Variants in NLGN4X observed in about 807,000 individuals in gnomAD.
The protein encoded by NLGN4X is neuroligin 4 X-linked.
Under a neutral mutation model 40.3 loss-of-function variants are expected in NLGN4X, and 3 were observed. The observed-to-expected ratio is 0.07, with a 90% confidence interval of 0.03 to 0.19. The LOEUF (loss-of-function observed/expected upper bound fraction) is 0.19. Among genes scored for constraint, NLGN4X ranks in the 10% least tolerant of loss-of-function variants. The pLI is 1.00. For missense variants in NLGN4X, 382 were observed against 708.3 expected (o/e 0.54, Z 5.23); for synonymous variants, 270 against 306.8 (o/e 0.88, Z 1.25).
intron 3 of NLGN4X, among the ~76,000 whole-genome samples, chrX:6,021,478 C>T (rs1382245335): frequency 9.0e-6 from 1 of 110,668 alleles, no homozygotes; most frequent in East Asian, 2.9e-4. Context: ...ACCTTCTTCA[C>T]ATCCTGAATA....
chrX:6,065,565 A>G (rs2037890861), intron 2 of NLGN4X, among the ~76,000 whole-genome samples: 1 of 111,531 alleles, frequency 9.0e-6, no homozygotes, highest in African/African-American at 3.3e-5. Context: ...CAAATGTTTA[A>G]GGGGAGAAGG....
chrX:5,905,581 C>G (rs1266324517), intron 4 of NLGN4X, among the ~76,000 whole-genome samples: 1 of 112,538 alleles, frequency 8.9e-6, no homozygotes, highest in African/African-American at 3.2e-5. Context: ...GATACTAATA[C>G]TGTGGTGAAC....
At chrX:6,152,121 G>A (rs928862177) in intron 1 of NLGN4X, among the ~76,000 whole-genome samples, 2 of 110,612 alleles carry the variant, frequency 1.8e-5, no homozygotes, top group South Asian at 3.9e-4. Flanking sequence ...CGGCTAATTC[G>A]TTGGATTTTT....
chrX:6,206,471 T>C (rs769582809), intron 1 of NLGN4X, among the ~76,000 whole-genome samples: 2 of 112,251 alleles, frequency 1.8e-5, no homozygotes, highest in Non-Finnish European at 3.8e-5. Context: ...TCTTGGTGTA[T>C]GAGTTTCCTA....
At chrX:6,184,876 G>A (rs1159346334) in intron 1 of NLGN4X, among the ~76,000 whole-genome samples, 2 of 112,391 alleles carry the variant, frequency 1.8e-5, no homozygotes, top group African/African-American at 3.2e-5. Flanking sequence ...AAAGAATGGC[G>A]CCTTCTGAGA....
chrX:5,980,184 T>C lies in NLGN4X; in HGVS notation c.625+49096A>G, dbSNP rs10482281. The stretch of plus-strand genomic sequence containing the variant: ...ATATAATTGTACCAGTACGTGTCTA[T>C]ACATATATGTCTAATACCATATATA... On this transcript the variant is annotated intron_variant, in intron 3 of 5. Coordinates refer to ENST00000381095, the MANE Select transcript of NLGN4X (RefSeq NM_181332.3). Among the ~76,000 whole-genome samples the C allele has an allele frequency of 9.1e-3, 948 of 104,239 alleles. 9 individuals are homozygous for C. Among genetic ancestry groups the C allele is most frequent in the African/African-American group, 0.035 (914 of 26,466 alleles). 90.5% of individuals were successfully genotyped at this position (104,239 alleles called of 115,157 possible). A position where few individuals can be genotyped will look rare whatever the true frequency, so the allele number is the denominator to read the frequency against.
chrX:6,010,890 A>G (rs1466967998), intron 3 of NLGN4X, among the ~76,000 whole-genome samples: 1 of 111,575 alleles, frequency 9.0e-6, no homozygotes, highest in African/African-American at 3.3e-5. Context: ...ATCTCTATTT[A>G]CCAAACAACA....
intron 3 of NLGN4X, among the ~76,000 whole-genome samples, chrX:6,018,069 CACAT>C (rs1446832470): frequency 2.7e-5 from 3 of 111,262 alleles, no homozygotes; most frequent in Non-Finnish European, 3.8e-5. Context: ...CATATATAGA[CACAT>C]ATATATACAC....
chrX:6,019,154 C>T (rs781699524), intron 3 of NLGN4X, among the ~76,000 whole-genome samples: 13 of 112,044 alleles, frequency 1.2e-4, no homozygotes, highest in African/African-American at 4.2e-4. Flanking sequence ...TTCCATAAAG[C>T]TAATGACTTA....
intron 3 of NLGN4X, among the ~76,000 whole-genome samples, chrX:5,948,245 T>C (rs1348207091): frequency 8.9e-6 from 1 of 112,138 alleles, no homozygotes; most frequent in Non-Finnish European, 1.9e-5. Flanking sequence ...ACCCAAACAA[T>C]AGAAAAGTCA....
chrX:5,909,697 G>T (rs1413981511), intron 3 of NLGN4X, among the ~76,000 whole-genome samples: 1 of 107,151 alleles, frequency 9.3e-6, no homozygotes, highest in African/African-American at 3.4e-5. Context: ...CTAAGAATAT[G>T]TGCATGTATA....
intron 3 of NLGN4X, among the ~76,000 whole-genome samples, chrX:5,968,490 TG>T (rs2034910857): frequency 2.4e-5 from 2 of 82,494 alleles, no homozygotes; most frequent in Non-Finnish European, 4.7e-5. Context: ...TGTGTGTGTG[TG>T]TGTGTGTGTG....
At chrX:5,907,631 C>A (rs1035379338) in intron 4 of NLGN4X, among the ~76,000 whole-genome samples, 1 of 111,099 alleles carries the variant, frequency 9.0e-6, no homozygotes, top group Non-Finnish European at 1.9e-5. Context: ...TCCACTTTGC[C>A]AACATCAGCT....
At chrX:6,047,519 G>A (rs927294795) in intron 2 of NLGN4X, among the ~76,000 whole-genome samples, 4 of 111,560 alleles carry the variant, frequency 3.6e-5, no homozygotes, top group Non-Finnish European at 7.5e-5. Context: ...TGATGGAGTA[G>A]GAAGATGGAA....
At chrX:6,147,736 C>T (rs943075765) in intron 2 of NLGN4X, among the ~76,000 whole-genome samples, 1 of 111,294 alleles carries the variant, frequency 9.0e-6, no homozygotes, top group Admixed American at 9.7e-5. Context: ...CCAACTGTTC[C>T]TTGTCAACAA....
intron 2 of NLGN4X, among the ~76,000 whole-genome samples, chrX:6,106,760 T>C (rs1253757566): frequency 4.5e-5 from 5 of 111,948 alleles, no homozygotes; most frequent in Non-Finnish European, 9.4e-5. Flanking sequence ...GAATACACCA[T>C]AGTTTATTTA....
intron 3 of NLGN4X, among the ~76,000 whole-genome samples, chrX:5,934,790 T>G (rs890606245): frequency 3.6e-5 from 4 of 111,748 alleles, no homozygotes; most frequent in Non-Finnish European, 7.5e-5. Flanking sequence ...CATAATAGAG[T>G]GATAACAGAC....
rs752460069 is a variant in NLGN4X, at chrX:5,959,317, T to C, written c.626-50078A>G. The stretch of plus-strand genomic sequence containing the variant: ...AGCAGGTCAAAGGCATAGGCATTTC[T>C]GGATTTTTATACCTTCATCATGCCA... On this transcript the variant is annotated intron_variant, in intron 3 of 5. Coordinates refer to ENST00000381095, the MANE Select transcript of NLGN4X (RefSeq NM_181332.3). 3.3e-3 allele frequency among the ~76,000 whole-genome samples: 374 copies of C among 112,480 alleles called. 2 individuals carry two copies. The highest frequency in any genetic ancestry group is 5.9e-3 in the Non-Finnish European group (317 of 53,292).
In NLGN4X at chrX:5,903,290, T is replaced by A. The variant is rs2031985815; in HGVS notation, c.1388A>T (p.Tyr463Phe). The change falls in exon 5 of 6, where the codon TAC (tyrosine) becomes TTC (phenylalanine). Residue 463 changes from tyrosine (Y) to phenylalanine (F), a missense_variant. By Grantham distance (22) the Tyr-to-Phe change is conservative. Around this residue, in one of 5 missense-constraint regions of NLGN4X, gnomAD observed 149 missense variants for 375.8 expected, o/e 0.40. Transcript: ENST00000381095. The part of the protein sequence containing the change: ...AVATADLHAQ[Y>F]GSPTYFYAFY... ...GGCATAGAAGTAGGTGGGGGAGCCG[T>A]ACTGCGCGTGCAGGTCGGCGGTGGC... The A allele has an allele frequency of 8.3e-7, 1 of 1,209,885 alleles. No homozygotes were observed. Among genetic ancestry groups the A allele is most frequent in the Non-Finnish European group, 1.1e-6 (1 of 895,115 alleles).
Sources: gnomAD v4.1 joint callset for allele counts (sites outside exome capture counted in the v4.1 genomes callset) on GRCh38, gnomAD v4.1.1 for gene constraint, gnomAD v4.1.1 regional missense constraint, MANE v1.5 for transcripts, NCBI Gene and HGNC (gene_info 2026-07-23, HGNC 2026-07-21) for gene names.